ARID1A: variants seen among roughly 807,000 people sequenced by gnomAD.
The protein encoded by ARID1A is AT-rich interactive domain-containing protein 1A.
A neutral mutation model predicts 212.6 loss-of-function variants in ARID1A; 20 were observed. The observed-to-expected ratio is 0.09, with a 90% CI of 0.07 to 0.14. The LOEUF is 0.14. Ranked by LOEUF, ARID1A falls within the 10% of genes least tolerant of loss-of-function variation. ARID1A has a pLI of 1.00. For synonymous variants in ARID1A, 1,376 were observed against 1,222.1 expected (o/e 1.13, Z -2.63); for missense variants, 2,587 against 3,059.0 (o/e 0.85, Z 3.64).
At chr1:26,739,989 T>TAAAAAAAAAAAAAAAGAAAAAAAAAA (rs1169573950) in intron 4 of ARID1A, among the ~76,000 whole-genome samples, 1 of 127,474 alleles carries the variant, frequency 7.8e-6, no homozygotes. Flanking sequence ...GTGATCATCT[T>TAAAAAAAAAAAAAAAGAAAAAAAAAA]AAAAAAAAAA....
rs985282134 is a variant in ARID1A at position 26,781,801 on chromosome 1, T to C, written c.*1045T>C. The C allele has an allele frequency of 8.6e-5, 20 of 233,782 alleles. No individual in the cohort carries two copies. Among genetic ancestry groups the C allele is most frequent in the South Asian group, 1.8e-4 (1 of 5,532 alleles). The allele number at this position is 233,782 out of a possible 1,614,324, so 14.5% of individuals were successfully genotyped here. ...CTGTACAGGTCTCTGTAAAAAGTCC[T>C]TGCTGTCTCAGCAGCCAATCAACTT... On this transcript the variant is annotated 3_prime_UTR_variant, in exon 20 of 20. Transcript: ENST00000324856.
At chr1:26,698,156 A>G (rs1484040974) in intron 1 of ARID1A, among the ~76,000 whole-genome samples, 1 of 152,234 alleles carries the variant, frequency 6.6e-6, no homozygotes, top group African/African-American at 2.4e-5. Context: ...AAGTGCTGGT[A>G]AACAGCTGAG....
In ARID1A at chr1:26,779,761, C is replaced by G. The variant is rs2081173754; in HGVS notation, c.5863C>G (p.Leu1955Val). The change falls in exon 20 of 20, where the codon CTA becomes GTA. Residue 1955 changes from leucine (L) to valine (V), a missense_variant. Coordinates refer to ENST00000324856, the MANE Select transcript of ARID1A (RefSeq NM_006015.6). ...PAQSHRNIKILEDEPHSKDET... is the reference protein window; with the variant it reads ...PAQSHRNIKIVEDEPHSKDET... ...ACAGAGCCACCGGAACATCAAGATC[C>G]TAGAGGACGAACCCCACAGTAAGGA... The G allele has an allele frequency of 1.2e-6, 2 of 1,614,154 alleles. No individual in the cohort carries two copies.
intron 4 of ARID1A, among the ~76,000 whole-genome samples, chr1:26,743,721 A>G (rs1201474320): frequency 6.7e-6 from 1 of 150,190 alleles, no homozygotes; most frequent in Non-Finnish European, 1.5e-5. Flanking sequence ...AGTCCCAGCT[A>G]CTCGGGAGGC....
rs542102205 is a variant in ARID1A at position 26,714,660 on chromosome 1, CT to C, written c.1138-14990del. Among the ~76,000 whole-genome samples, 5 of 152,254 alleles carry C rather than the reference CT, an allele frequency of 3.3e-5. No homozygotes were observed. The South Asian group carries it at 1.0e-3, about 32-fold the overall frequency. On this transcript the variant is annotated intron_variant, in intron 1 of 19. Transcript: ENST00000324856. ...TCGAACTCCTGACCTCATGATCCAC[CT>C]GCCTCTGCCTCCCAAAGTGCTGGGA...
In ARID1A at chr1:26,773,488, C is replaced by T. The variant is rs2124111607; in HGVS notation, c.3858C>T (p.Asp1286=). ...ACTATCCCTATGGAGGTCCTTATGA[C>T]AGAGTGAGGTAAGCATGACCCCAGC... is the stretch of plus-strand genomic sequence containing the variant. ...RQHYPYGGPY[D]RVRTEPGIGP... The change falls in exon 15 of 20, where the codon GAC becomes GAT. Residue 1286 remains aspartate, a synonymous_variant. Transcript: ENST00000324856. 6.2e-7 allele frequency: 1 copy of T among 1,612,574 alleles called. No individual in the cohort carries two copies. Among genetic ancestry groups the T allele is most frequent in the Non-Finnish European group, 8.5e-7 (1 of 1,179,076 alleles).
chr1:26,751,258 A>G (rs2080882628), intron 4 of ARID1A, among the ~76,000 whole-genome samples: 1 of 152,026 alleles, frequency 6.6e-6, no homozygotes, highest in Non-Finnish European at 1.5e-5. Context: ...CCGTCTAAAA[A>G]AAAAAGGACA....
chr1:26,714,625 C>T (rs544427023), intron 1 of ARID1A, among the ~76,000 whole-genome samples: 24 of 152,078 alleles, frequency 1.6e-4, no homozygotes, highest in Non-Finnish European at 3.5e-4. Context: ...CTATGTCAGC[C>T]AGGCTGGTCT....
chr1:26,756,817 C>T (rs1215934885), intron 4 of ARID1A, among the ~76,000 whole-genome samples: 1 of 151,770 alleles, frequency 6.6e-6, no homozygotes, highest in Non-Finnish European at 1.5e-5. Flanking sequence ...ATTCTCCTGC[C>T]TCAGCCTCCC....
intron 4 of ARID1A, among the ~76,000 whole-genome samples, chr1:26,750,028 C>T (rs1055088389): frequency 6.6e-6 from 1 of 152,206 alleles, no homozygotes; most frequent in African/African-American, 2.4e-5. Flanking sequence ...GTGTGTCTGG[C>T]ATCTTTCTGG....
Position 26,701,804 on chromosome 1 carries a change from C to T in ARID1A, c.1137+4264C>T, listed in dbSNP as rs572215966. On this transcript the variant is annotated intron_variant, in intron 1 of 19. Coordinates refer to ENST00000324856, the MANE Select transcript of ARID1A (RefSeq NM_006015.6). ...CTGAACAGTTGGGTGCCATTGTGGT[C>T]TGTAGACTTTTACAGAAAAAGCTCT... 3.3e-5 allele frequency among the ~76,000 whole-genome samples: 5 copies of T among 152,310 alleles called. No individual in the cohort carries two copies. In the East Asian group the frequency reaches 9.6e-4, roughly 29 times the overall value.
Position 26,697,339 on chromosome 1 carries a change from C to T in ARID1A, c.936C>T (p.Pro312=). The change falls in exon 1 of 20, where the codon CCC becomes CCT. Residue 312 remains proline (P), a synonymous_variant. Transcript: ENST00000324856. ...CGGCCCGGGGCTACCAGGGCTACCC[C>T]GGGGGCGACTACAGTGGCGGGCCCC... ...PSSARGYQGY[P]GGDYSGGPQD... 2 of 1,330,848 alleles carry T rather than the reference C, an allele frequency of 1.5e-6. No homozygotes were observed. The highest frequency in any genetic ancestry group is 1.9e-6 in the Non-Finnish European group (2 of 1,047,314). 82.4% of individuals were successfully genotyped at this position (1,330,848 alleles called of 1,614,324 possible). A position where few individuals can be genotyped will look rare whatever the true frequency, so the allele number is the denominator to read the frequency against.
At chr1:26,777,747 C>T (rs1433121798) in intron 19 of ARID1A, among the ~76,000 whole-genome samples, 1 of 151,932 alleles carries the variant, frequency 6.6e-6, no homozygotes, top group East Asian at 1.9e-4. Flanking sequence ...AGCTGGCCAA[C>T]ATGGTGAAAC....
rs544193500 is a variant in ARID1A at position 26,767,545 on chromosome 1, A to C, written c.2989-245A>C. The stretch of plus-strand genomic sequence containing the variant: ...AAATGGGGATAATTTTATAATACCT[A>C]ATATATAAAGGCATCTAGCACAGCA... On this transcript the variant is annotated intron_variant, in intron 10 of 19. Transcript: ENST00000324856. Among the ~76,000 whole-genome samples the C allele has an allele frequency of 1.5e-4, 23 of 152,334 alleles. No individual in the cohort carries two copies. In the South Asian group the frequency reaches 4.3e-3, roughly 29 times the overall value.
chr1:26,766,802 GT>G (rs2081043481), intron 10 of ARID1A, among the ~76,000 whole-genome samples: 2 of 152,304 alleles, frequency 1.3e-5, no homozygotes, highest in South Asian at 4.1e-4. Context: ...TCTCACAGCT[GT>G]TTGTTATGGG....
intron 4 of ARID1A, among the ~76,000 whole-genome samples, chr1:26,739,989 T>TAA (rs576941187): frequency 1.6e-4 from 20 of 127,494 alleles, no homozygotes; most frequent in East Asian, 4.3e-4. Context: ...GTGATCATCT[T>TAA]AAAAAAAAAA....
intron 2 of ARID1A, 106 bp from the exon 3 acceptor site, chr1:26,731,046 A>C (rs770638306): frequency 3.2e-6 from 4 of 1,256,426 alleles, no homozygotes; most frequent in Non-Finnish European, 4.5e-6. Flanking sequence ...GAGGCCTTGC[A>C]TGCTTGCTTT....
Position 26,737,603 on chromosome 1 carries a change from C to T in ARID1A, c.1920+4811C>T, listed in dbSNP as rs985603627. ...GCCCAGGCCCGAGCACGGTGCCTCA[C>T]GCTTGTAATCCCGGCACTTTGGGAG... On this transcript the variant is annotated intron_variant, in intron 4 of 19. Transcript: ENST00000324856. 1.7e-3 allele frequency among the ~76,000 whole-genome samples: 257 copies of T among 152,216 alleles called. 4 individuals are homozygous for T. The highest frequency in any genetic ancestry group is 5.9e-4 in the Non-Finnish European group (40 of 68,014).
At chr1:26,778,746 T>A (rs1402511786) in intron 19 of ARID1A, 1 of 320,716 alleles carries the variant, frequency 3.1e-6, no homozygotes, top group Admixed American at 4.5e-5. Context: ...AAGAGAAGGC[T>A]AAGAGATGAT....
Sources: allele counts gnomAD v4.1 joint callset (sites outside exome capture counted in the v4.1 genomes callset), GRCh38; gene constraint gnomAD v4.1.1; transcripts MANE v1.5; gene names NCBI Gene and HGNC (gene_info 2026-07-23, HGNC 2026-07-21).